Variants in SLC5A2 observed in about 807,000 individuals in gnomAD.
SLC5A2 encodes the protein solute carrier family 5 member 2, also known as sodium/glucose cotransporter 2.
Under a neutral mutation model 69.0 loss-of-function variants are expected in SLC5A2, and 67 were observed. The ratio of observed to expected loss-of-function variants is 0.97; its 90% CI spans 0.80 to 1.19. SLC5A2 has a LOEUF of 1.19. Among genes scored for constraint, SLC5A2 ranks in the 50% most tolerant of loss-of-function variants. The pLI is 0.00. For synonymous variants in SLC5A2, 455 were observed against 395.8 expected (o/e 1.15, Z -1.78); for missense variants, 1,001 against 921.5 (o/e 1.09, Z -1.12).
At position 31,485,738 on chromosome 16, in the gene SLC5A2, G is replaced by A. The variant is rs753600896; in HGVS notation, c.313G>A (p.Val105Met). 23 of 1,613,380 alleles carry A rather than the reference G, an allele frequency of 1.4e-5. No homozygotes were observed. Among genetic ancestry groups the A allele is most frequent in the Admixed American group, 5.0e-5 (3 of 60,012 alleles). Residue 105 changes from valine to methionine, a missense_variant, in exon 4 of 14, where the codon GTG becomes ATG. By Grantham distance (21) the Val-to-Met change is conservative. Coordinates refer to ENST00000330498, the MANE Select transcript of SLC5A2 (RefSeq NM_003041.4). ...VAGFEWNALF[V>M]VLLLGWLFAP... ...GTACTGCCCCCCGTAGGCGCTCTTC[G>A]TGGTGCTGCTACTGGGCTGGCTGTT...
chr16:31,490,081 G>C (rs532838657), intron 12 of SLC5A2, 23 bp from the exon 13 acceptor site: 3 of 1,612,920 alleles, frequency 1.9e-6, no homozygotes, highest in Non-Finnish European at 2.5e-6. Context: ...CTCCCACCTC[G>C]TTCGTGCTCC....
Position 31,484,693 on chromosome 16 carries a change from A to G in SLC5A2, c.147A>G (p.Arg49=). 1.2e-6 allele frequency: 2 copies of G among 1,608,744 alleles called. No homozygotes were observed. Among genetic ancestry groups the G allele is most frequent in the Non-Finnish European group, 1.7e-6 (2 of 1,180,002 alleles). Residue 49 remains arginine, a synonymous_variant, in exon 2 of 14, where the codon AGA becomes AGG. Transcript: ENST00000330498. ...CCCAGTCCATGTGCAGAACCAACAG[A>G]GGCACTGTGGGCGGCTACTTCCTGG... The part of the protein sequence containing the change: ...VGLWSMCRTN[R]GTVGGYFLAG...
intron 4 of SLC5A2, 105 bp from the exon 5 acceptor site, chr16:31,486,065 G>A (rs1360804345): frequency 2.5e-6 from 3 of 1,217,370 alleles, no homozygotes; most frequent in South Asian, 1.2e-5. Context: ...GCTGGGACCT[G>A]GAAAAATGGA....
At chr16:31,488,233 C>T (rs955595451) in intron 8 of SLC5A2, 60 bp downstream of exon 8, 3 of 1,613,062 alleles carry the variant, frequency 1.9e-6, no homozygotes, top group Non-Finnish European at 2.5e-6. Context: ...CGCCCAGTTC[C>T]GTCACCCTCC....
intron 3 of SLC5A2, 148 bp from the exon 4 acceptor site, chr16:31,485,581 G>GC (rs2082488353): frequency 1.1e-6 from 1 of 903,796 alleles, no homozygotes. Context: ...GGTGCCCAGG[G>GC]CCCCGGGGCC....
chr16:31,487,698 C>G lies in SLC5A2; in HGVS notation c.824C>G (p.Pro275Arg). 6.2e-7 allele frequency: 1 copy of G among 1,613,356 alleles called. No individual in the cohort carries two copies. The highest frequency in any genetic ancestry group is 8.5e-7 in the Non-Finnish European group (1 of 1,179,976). ...LLRHPVTGDL[P>R]WPALLLGLTI... ...CGGCACCCCGTGACCGGGGATCTGC[C>G]GTGGCCCGCGCTGCTCCTCGGACTC... The change falls in exon 7 of 14, where the codon CCG becomes CGG. Residue 275 changes from proline to arginine, a missense_variant. Physicochemically the swap from Pro to Arg is moderately radical, Grantham distance 103. Coordinates refer to ENST00000330498, the MANE Select transcript of SLC5A2 (RefSeq NM_003041.4).
At position 31,487,593 on chromosome 16, in the gene SLC5A2, T is replaced by C. The variant is rs892737030; in HGVS notation, c.719T>C (p.Leu240Pro). The C allele has an allele frequency of 6.2e-7, 1 of 1,613,816 alleles. No homozygotes were observed. Among genetic ancestry groups the C allele is most frequent in the African/African-American group, 1.3e-5 (1 of 74,928 alleles). Reference protein sequence around the residue: ...FDKYLGAATSLTVSEDPAVGN... With the variant: ...FDKYLGAATSPTVSEDPAVGN... ...AAATACCTGGGAGCAGCGACTTCGCTGACGGTGTCCGAGGATCCAGCCGTG... is the reference window on the plus strand; with the variant it reads ...AAATACCTGGGAGCAGCGACTTCGCCGACGGTGTCCGAGGATCCAGCCGTG... The change falls in exon 7 of 14, where the codon CTG (leucine) becomes CCG (proline). Residue 240 changes from leucine (L) to proline (P), a missense_variant. Coordinates refer to ENST00000330498, the MANE Select transcript of SLC5A2 (RefSeq NM_003041.4).
rs139986790 is a variant in SLC5A2, at chr16:31,490,431, C to A, written c.1915C>A (p.Arg639=). Residue 639 remains arginine (R), a synonymous_variant, in exon 14 of 14, where the codon CGG becomes AGG. Coordinates refer to ENST00000330498, the MANE Select transcript of SLC5A2 (RefSeq NM_003041.4). Reference sequence around the variant, plus strand: ...GGAGGAGGCAGCGGCAGCAGCCAGGCGGCTGGAGGACATCAGCGAGGACCC... The same window carrying A: ...GGAGGAGGCAGCGGCAGCAGCCAGGAGGCTGGAGGACATCAGCGAGGACCC... ...TQEEAAAAAR[R]LEDISEDPSW... The A allele has an allele frequency of 1.2e-6, 2 of 1,613,590 alleles. No homozygotes were observed. Among genetic ancestry groups the A allele is most frequent in the African/African-American group, 1.3e-5 (1 of 74,942 alleles).
chr16:31,485,876 A>G lies in SLC5A2; in HGVS notation c.451A>G (p.Ile151Val), dbSNP rs146552221. 1.9e-6 allele frequency: 3 copies of G among 1,613,490 alleles called. No individual in the cohort carries two copies. The highest frequency in any genetic ancestry group is 1.7e-5 in the Admixed American group (1 of 60,012). ...YLSVLSLFLYIFTKISVDMFS... is the reference protein window; with the variant it reads ...YLSVLSLFLYVFTKISVDMFS... The stretch of plus-strand genomic sequence containing the variant: ...GTCTGTGCTCTCCCTTTTCCTGTAC[A>G]TCTTCACCAAGATCTCAGTGAGTGC... Residue 151 changes from isoleucine (I) to valine (V), a missense_variant, in exon 4 of 14, where the codon ATC (isoleucine) becomes GTC (valine). Ile to Val is a conservative substitution (Grantham distance 29). Coordinates refer to ENST00000330498, the MANE Select transcript of SLC5A2 (RefSeq NM_003041.4).
rs1302312091 is a variant in SLC5A2 at position 31,488,252 on chromosome 16, G to C, written c.1021+79G>C. ...CAGTTCCGTCACCCTCCTAAGACTC[G>C]GCAGTTTGGGCCCGGAGTCCCGCCT... On this transcript the variant is annotated intron_variant, in intron 8 of 13. Coordinates refer to ENST00000330498, the MANE Select transcript of SLC5A2 (RefSeq NM_003041.4). The C allele has an allele frequency of 8.1e-6, 13 of 1,610,414 alleles. No homozygotes were observed. In the East Asian group the frequency reaches 1.6e-4, roughly 19 times the overall value.
chr16:31,487,966 C>T (rs2082512577), intron 7 of SLC5A2, 72 bp from the exon 8 acceptor site: 1 of 1,595,526 alleles, frequency 6.3e-7, no homozygotes, highest in Non-Finnish European at 8.5e-7. Context: ...AGGCGGGGCA[C>T]AGAGCGGAAC....
At position 31,488,498 on chromosome 16, in the gene SLC5A2, C is replaced by A. The variant is rs757173846; in HGVS notation, c.1129+8C>A. On this transcript the variant is annotated splice_region_variant and intron_variant, in intron 9 of 13. Coordinates refer to ENST00000330498, the MANE Select transcript of SLC5A2 (RefSeq NM_003041.4). ...TGAAGCTCATGCCCAACGGTAAGGG[C>A]AGCCCCGGGCCACAGGCGCAAGCTC... The A allele has an allele frequency of 3.1e-6, 5 of 1,604,878 alleles. No individual in the cohort carries two copies. Among genetic ancestry groups the A allele is most frequent in the South Asian group, 1.1e-5 (1 of 89,982 alleles).
intron 7 of SLC5A2, 24 bp downstream of exon 7, chr16:31,487,783 C>T (rs1323074033): frequency 6.3e-7 from 1 of 1,586,310 alleles, no homozygotes; most frequent in South Asian, 1.1e-5. Context: ...GCTGCGCCTG[C>T]AGTGAGGCCG....
At chr16:31,484,288 G>T (rs957761033) in intron 1 of SLC5A2, among the ~76,000 whole-genome samples, 17 of 151,558 alleles carry the variant, frequency 1.1e-4, no homozygotes, top group Non-Finnish European at 5.9e-5. Context: ...GGGTATAGTG[G>T]CGTGTGCCTA....
chr16:31,486,205 G>T lies in SLC5A2; in HGVS notation c.504G>T (p.Gln168His), dbSNP rs762423204. The change falls in exon 5 of 14, where the codon CAG (glutamine) becomes CAT (histidine). Residue 168 changes from glutamine (Q) to histidine (H), a missense_variant. By Grantham distance (24) the Gln-to-His change is conservative (BLOSUM62 0). Coordinates refer to ENST00000330498, the MANE Select transcript of SLC5A2 (RefSeq NM_003041.4). ...TCTCCGGAGCTGTATTCATCCAGCAGGCTCTGGGCTGGAACATCTATGCCT... is the reference window on the plus strand; with the variant it reads ...TCTCCGGAGCTGTATTCATCCAGCATGCTCTGGGCTGGAACATCTATGCCT... ...DMFSGAVFIQ[Q>H]ALGWNIYASV... is the part of the protein sequence containing the mutation. The T allele has an allele frequency of 1.9e-6, 3 of 1,614,008 alleles. No homozygotes were observed. The highest frequency in any genetic ancestry group is 2.5e-6 in the Non-Finnish European group (3 of 1,179,888).
Position 31,490,669 on chromosome 16 carries a change from G to A in SLC5A2, c.*134G>A, listed in dbSNP as rs1484050409. 4 of 1,092,916 alleles carry A rather than the reference G, an allele frequency of 3.7e-6. No homozygotes were observed. Among genetic ancestry groups the A allele is most frequent in the Non-Finnish European group, 2.7e-6 (2 of 732,126 alleles). The allele number at this position is 1,092,916 out of a possible 1,614,324, so 67.7% of individuals were successfully genotyped here. Reference sequence around the variant, plus strand: ...GCTCCCCTTCTCCCGGCCTTCCTCTGCCTGGGGCCCACTGCATCTGATTGG... The same window carrying A: ...GCTCCCCTTCTCCCGGCCTTCCTCTACCTGGGGCCCACTGCATCTGATTGG... On this transcript the variant is annotated 3_prime_UTR_variant, in exon 14 of 14. Coordinates refer to ENST00000330498, the MANE Select transcript of SLC5A2 (RefSeq NM_003041.4).
rs1177650465 is a variant in SLC5A2, at chr16:31,487,681, C to G, written c.807C>G (p.Pro269=). The G allele has an allele frequency of 6.2e-7, 1 of 1,613,632 alleles. No individual in the cohort carries two copies. The highest frequency in any genetic ancestry group is 8.5e-7 in the Non-Finnish European group (1 of 1,179,998). Residue 269 remains proline, a synonymous_variant, in exon 7 of 14, where the codon CCC becomes CCG. Transcript: ENST00000330498. ...ACTCCTACCACCTGCTCCGGCACCC[C>G]GTGACCGGGGATCTGCCGTGGCCCG... ...RPDSYHLLRH[P]VTGDLPWPAL... is the part of the protein sequence containing the mutation.
Position 31,483,277 on chromosome 16 carries a change from G to A in SLC5A2, c.126+15G>A. The stretch of plus-strand genomic sequence containing the variant: ...TTGGCTTGTGGGTGAGAAGTTGGGG[G>A]GTGTGCTGCTGGTGGCTGCTGGCTT... On this transcript the variant is annotated intron_variant, in intron 1 of 13. Coordinates refer to ENST00000330498, the MANE Select transcript of SLC5A2 (RefSeq NM_003041.4). 1.2e-6 allele frequency: 2 copies of A among 1,613,794 alleles called. No homozygotes were observed. The highest frequency in any genetic ancestry group is 1.3e-5 in the African/African-American group (1 of 74,942).
intron 7 of SLC5A2, 31 bp from the exon 8 acceptor site, chr16:31,488,007 G>A: frequency 6.2e-7 from 1 of 1,609,430 alleles, no homozygotes; most frequent in Non-Finnish European, 8.5e-7. Flanking sequence ...GGGGAGGCCC[G>A]CAAGCGGGCA....
Sources: allele counts gnomAD v4.1 joint callset (sites outside exome capture counted in the v4.1 genomes callset), GRCh38; gene constraint gnomAD v4.1.1; transcripts MANE v1.5; gene names NCBI Gene and HGNC (gene_info 2026-07-23, HGNC 2026-07-21).